Variants in RAMP1 observed in about 807,000 individuals in gnomAD.
The protein encoded by RAMP1 is receptor activity-modifying protein 1.
In RAMP1, 7 loss-of-function variants were observed where a neutral mutation model predicts 8.2. That is an observed-to-expected ratio of 0.85 (90% CI 0.49 to 1.60). The LOEUF (loss-of-function observed/expected upper bound fraction) is 1.60. RAMP1 is among the 40% of genes most tolerant of loss of function. RAMP1 has a pLI of 0.00. For synonymous variants in RAMP1, 92 were observed against 84.7 expected (o/e 1.09, Z -0.47); for missense variants, 192 against 202.4 (o/e 0.95, Z 0.31).
At chr2:237,874,747 T>C in intron 1 of RAMP1, 1 of 947,786 alleles carries the variant, frequency 1.1e-6, no homozygotes, top group Non-Finnish European at 1.3e-6. Context: ...CAAATATGAA[T>C]GTGCAAAGCT....
chr2:237,896,378 C>G (rs1462902327), intron 2 of RAMP1, among the ~76,000 whole-genome samples: 1 of 152,176 alleles, frequency 6.6e-6, no homozygotes, highest in Non-Finnish European at 1.5e-5. Context: ...CTTCTCCCAG[C>G]ATGGGCAGAG....
chr2:237,862,329 CCT>C lies in RAMP1; in HGVS notation c.52+2607_52+2608del, dbSNP rs1197721317. Among the ~76,000 whole-genome samples, 1 of 152,022 alleles carries C rather than the reference CCT, an allele frequency of 6.6e-6. No individual in the cohort carries two copies. The highest frequency in any genetic ancestry group is 2.4e-5 in the African/African-American group (1 of 41,374). On this transcript the variant is annotated intron_variant, in intron 1 of 2. Coordinates refer to ENST00000254661, the MANE Select transcript of RAMP1 (RefSeq NM_005855.4). The surrounding 1 kb of genome is among the most constrained non-coding windows in gnomAD (Gnocchi z 4.0). ...TAATCAACTCAGTGTGTTTGTTTAC[CCT>C]CTCTGTGTGTCTAGCTGCAGGAAGA...
chr2:237,874,875 G>C (rs1386995045), intron 1 of RAMP1, among the ~76,000 whole-genome samples: 1 of 150,746 alleles, frequency 6.6e-6, no homozygotes, highest in Non-Finnish European at 1.5e-5. Context: ...AATGGGCTGG[G>C]GGACAGGGTA....
At chr2:237,883,912 CT>C (rs34291315) in intron 2 of RAMP1, among the ~76,000 whole-genome samples, 3,952 of 92,868 alleles carry the variant, frequency 0.043, 46 homozygotes, top group African/African-American at 0.11. Flanking sequence ...TGTAGGTCCA[CT>C]TTTTTTTTTT....
At chr2:237,871,371 C>G (rs2062243361) in intron 1 of RAMP1, among the ~76,000 whole-genome samples, 1 of 152,200 alleles carries the variant, frequency 6.6e-6, no homozygotes, top group Admixed American at 6.5e-5. Flanking sequence ...GATATCCCAG[C>G]CACACAGGAA....
At chr2:237,882,024 T>A (rs535497943) in intron 2 of RAMP1, among the ~76,000 whole-genome samples, 6 of 152,330 alleles carry the variant, frequency 3.9e-5, no homozygotes, top group African/African-American at 1.4e-4. Context: ...ACTGGTTCCA[T>A]CGAAATCCTT....
intron 2 of RAMP1, among the ~76,000 whole-genome samples, chr2:237,893,823 C>G (rs1003858543): frequency 6.6e-6 from 1 of 152,026 alleles, no homozygotes; most frequent in Non-Finnish European, 1.5e-5. Flanking sequence ...CCTGCAGTCC[C>G]AGCTACTCGG....
chr2:237,876,076 C>T (rs189942196), intron 1 of RAMP1, among the ~76,000 whole-genome samples: 1 of 152,174 alleles, frequency 6.6e-6, no homozygotes, highest in Non-Finnish European at 1.5e-5. Flanking sequence ...CACTTTGAGG[C>T]GGCTGTGTGT....
At chr2:237,874,576 C>T (rs1216835833) in intron 1 of RAMP1, 71 of 754,662 alleles carry the variant, frequency 9.4e-5, no homozygotes, top group East Asian at 1.3e-4. Context: ...GTCCTAGAAG[C>T]GGCTCTTCCA....
intron 2 of RAMP1, among the ~76,000 whole-genome samples, chr2:237,880,340 C>T (rs1425901319): frequency 1.3e-5 from 2 of 152,150 alleles, no homozygotes; most frequent in Non-Finnish European, 2.9e-5. Context: ...CGACATTGCC[C>T]CTGGCTGTTT....
At chr2:237,884,996 G>T (rs963807018) in intron 2 of RAMP1, among the ~76,000 whole-genome samples, 4 of 152,360 alleles carry the variant, frequency 2.6e-5, no homozygotes, top group South Asian at 2.1e-4. Context: ...TGGTACGGCG[G>T]CTCAGCATGG....
chr2:237,863,151 G>A (rs1268600588), intron 1 of RAMP1, among the ~76,000 whole-genome samples: 1 of 152,170 alleles, frequency 6.6e-6, no homozygotes, highest in Non-Finnish European at 1.5e-5. Flanking sequence ...GAGGCCTCCT[G>A]AAAGAAGAGG....
intron 2 of RAMP1, among the ~76,000 whole-genome samples, chr2:237,891,721 C>T (rs574438291): frequency 7.9e-5 from 12 of 152,136 alleles, no homozygotes; most frequent in Admixed American, 6.5e-4. Flanking sequence ...ATTTAATCCC[C>T]ACCAAAACAA....
At chr2:237,896,215 C>G (rs1013909964) in intron 2 of RAMP1, among the ~76,000 whole-genome samples, 1 of 152,208 alleles carries the variant, frequency 6.6e-6, no homozygotes, top group Admixed American at 6.5e-5. Context: ...GGAGCCAGGG[C>G]GCTGCCCAGG....
In RAMP1 at chr2:237,884,953, G is replaced by A. The variant is rs553268171; in HGVS notation, c.191+7591G>A. Among the ~76,000 whole-genome samples, 10 of 152,336 alleles carry A rather than the reference G, an allele frequency of 6.6e-5. No homozygotes were observed. In the East Asian group the frequency reaches 1.7e-3, roughly 26 times the overall value. ...GGCTGCAGCCCAGCGTGGTAGTTGG[G>A]GGACGCAAGACAAATGTCTGCAGTG... is the stretch of plus-strand genomic sequence containing the variant. On this transcript the variant is annotated intron_variant, in intron 2 of 2. Coordinates refer to ENST00000254661, the MANE Select transcript of RAMP1 (RefSeq NM_005855.4).
At chr2:237,891,311 C>T (rs1211284560) in intron 2 of RAMP1, among the ~76,000 whole-genome samples, 4 of 152,036 alleles carry the variant, frequency 2.6e-5, no homozygotes, top group South Asian at 2.1e-4. Context: ...CCACCACGCC[C>T]GGCTGATTTT....
chr2:237,859,563 G>A (rs1238224546), upstream of RAMP1: 27 of 726,190 alleles, frequency 3.7e-5, no homozygotes, highest in African/African-American at 2.9e-4. Flanking sequence ...GCCTCCCACC[G>A]CTCCCGCGCC....
In RAMP1 at chr2:237,911,752, G is replaced by C; in HGVS notation, c.416G>C (p.Trp139Ser). The change falls in exon 3 of 3, where the codon TGG (tryptophan) becomes TCG (serine). Residue 139 changes from tryptophan to serine, a missense_variant. By Grantham distance (177) the Trp-to-Ser change is radical. Coordinates refer to ENST00000254661, the MANE Select transcript of RAMP1 (RefSeq NM_005855.4). ...VTLLVTALVV[W>S]QSKRTEGIV ...CTGCTGGTGACGGCACTGGTGGTCT[G>C]GCAGAGCAAGCGCACTGAGGGCATT... 6.2e-7 allele frequency: 1 copy of C among 1,611,994 alleles called. No homozygotes were observed. Among genetic ancestry groups the C allele is most frequent in the Non-Finnish European group, 8.5e-7 (1 of 1,179,240 alleles).
chr2:237,886,208 G>A (rs2151013751), intron 2 of RAMP1, among the ~76,000 whole-genome samples: 1 of 152,316 alleles, frequency 6.6e-6, no homozygotes, highest in African/African-American at 2.4e-5. Context: ...CCCTGCCCAG[G>A]CCGCCCCACG....
Sources: gnomAD v4.1 joint callset for allele counts (sites outside exome capture counted in the v4.1 genomes callset) on GRCh38, gnomAD v4.1.1 for gene constraint, Gnocchi (gnomAD v3.1) non-coding constraint, MANE v1.5 for transcripts, NCBI Gene and HGNC (gene_info 2026-07-23, HGNC 2026-07-21) for gene names.